Variants in CNTN4 observed in about 807,000 individuals in gnomAD.
CNTN4 encodes the protein contactin 4.
CNTN4 carries 77 observed loss-of-function variants against 122.5 expected under a neutral mutation model. The ratio of observed to expected loss-of-function variants is 0.63; its 90% confidence interval spans 0.52 to 0.76. The LOEUF is 0.76. CNTN4 is among the 30% of genes least tolerant of loss of function. The probability of loss-of-function intolerance (pLI) is 0.00; values close to 1 mark genes in which losing one functional copy is unlikely to be tolerated. For missense variants in CNTN4, 1,256 were observed against 1,259.1 expected (o/e 1.00, Z 0.04); for synonymous variants, 512 against 447.0 (o/e 1.15, Z -1.83).
At chr3:2,622,093 C>T (rs899787125) in intron 4 of CNTN4, among the ~76,000 whole-genome samples, 1 of 152,150 alleles carries the variant, frequency 6.6e-6, no homozygotes, top group African/African-American at 2.4e-5. Context: ...GAAAACACCC[C>T]CTTTCTCTCA....
chr3:2,580,381 G>C (rs748622006), intron 4 of CNTN4, among the ~76,000 whole-genome samples: 9 of 152,166 alleles, frequency 5.9e-5, no homozygotes, highest in Non-Finnish European at 1.0e-4. Context: ...CAAGTTGTAA[G>C]AGGATAGGGT....
In CNTN4 at chr3:2,736,145, T is replaced by C; in HGVS notation, c.56-70T>C. 2.1e-6 allele frequency: 3 copies of C among 1,427,522 alleles called. No individual in the cohort carries two copies. The South Asian group carries it at 3.4e-5, about 16-fold the overall frequency. 88.4% of individuals were successfully genotyped at this position (1,427,522 alleles called of 1,614,324 possible). On this transcript the variant is annotated intron_variant, in intron 4 of 24. Coordinates refer to ENST00000418658, the MANE Select transcript of CNTN4 (RefSeq NM_175607.3). ...TTTCTTTCTATTATTTTCCTTATGT[T>C]GTTGTTTCCTGTTGTTGTTCCTATT...
At chr3:2,864,840 A>T (rs17021506) in intron 7 of CNTN4, among the ~76,000 whole-genome samples, 1,600 of 150,426 alleles carry the variant, frequency 0.011, 31 homozygotes, top group African/African-American at 0.037. Context: ...AACTTCCATC[A>T]TGTGACTTTG....
chr3:2,368,920 A>G (rs2045522323), intron 3 of CNTN4, among the ~76,000 whole-genome samples: 1 of 152,102 alleles, frequency 6.6e-6, no homozygotes. Flanking sequence ...AAACATGTCC[A>G]TAAAAATTGT....
Position 2,738,311 on chromosome 3 carries a change from C to CA in CNTN4, c.182+1976dup, listed in dbSNP as rs530937442. Reference sequence around the variant, plus strand: ...CTGGCAGCTGACTTCTCAATAGCAACAAAAAATCAGGAGACAGAAGATAAA... The same window carrying CA: ...CTGGCAGCTGACTTCTCAATAGCAACAAAAAAATCAGGAGACAGAAGATAAA... On this transcript the variant is annotated intron_variant, in intron 5 of 24. Transcript: ENST00000418658. 7.2e-5 allele frequency among the ~76,000 whole-genome samples: 11 copies of CA among 152,146 alleles called. 2 individuals are homozygous for CA. Among genetic ancestry groups the CA allele is most frequent in the South Asian group, 4.2e-4 (2 of 4,816 alleles).
At chr3:2,806,326 T>A (rs545654371) in intron 6 of CNTN4, among the ~76,000 whole-genome samples, 10 of 152,324 alleles carry the variant, frequency 6.6e-5, no homozygotes, top group Admixed American at 5.9e-4. Context: ...ATTGTAAACG[T>A]CTTGAGATCA....
intron 3 of CNTN4, among the ~76,000 whole-genome samples, chr3:2,353,648 A>T (rs535745125): frequency 6.6e-6 from 1 of 152,138 alleles, no homozygotes; most frequent in East Asian, 1.9e-4. Flanking sequence ...TAAGAACTGT[A>T]ACACTCACCG....
chr3:2,367,920 A>G (rs1033472487), intron 3 of CNTN4, among the ~76,000 whole-genome samples: 4 of 151,322 alleles, frequency 2.6e-5, no homozygotes, highest in South Asian at 2.1e-4. Context: ...CGTAAGTACT[A>G]TTATTTTTCT....
chr3:2,901,961 T>G (rs1039383036), intron 11 of CNTN4, among the ~76,000 whole-genome samples: 1 of 152,122 alleles, frequency 6.6e-6, no homozygotes, highest in African/African-American at 2.4e-5. Flanking sequence ...GTGAGACCAA[T>G]GTAAGTTTCA....
chr3:2,135,826 G>A (rs1048881693), intron 2 of CNTN4, among the ~76,000 whole-genome samples: 3 of 152,206 alleles, frequency 2.0e-5, no homozygotes, highest in African/African-American at 2.4e-5. Flanking sequence ...GGTCTACAGC[G>A]AATTGGAGAG....
chr3:2,660,698 G>A lies in CNTN4; in HGVS notation c.56-75517G>A, dbSNP rs150021351. Among the ~76,000 whole-genome samples the A allele has an allele frequency of 6.6e-5, 10 of 152,346 alleles. No homozygotes were observed. In the South Asian group the frequency reaches 2.1e-3, roughly 32 times the overall value. On this transcript the variant is annotated intron_variant, in intron 4 of 24. Coordinates refer to ENST00000418658, the MANE Select transcript of CNTN4 (RefSeq NM_175607.3). ...CCTGCCTCTATTTGTCTCCACCAGA[G>A]GTGATAATCTAGACTTTGGTTACCT...
intron 3 of CNTN4, among the ~76,000 whole-genome samples, chr3:2,526,436 G>T (rs1018905716): frequency 3.3e-5 from 5 of 152,008 alleles, no homozygotes; most frequent in African/African-American, 1.2e-4. Flanking sequence ...CCTAGTATCT[G>T]TAATTGCTAA....
At chr3:2,850,508 A>T (rs2093531530) in intron 7 of CNTN4, among the ~76,000 whole-genome samples, 1 of 152,198 alleles carries the variant, frequency 6.6e-6, no homozygotes, top group African/African-American at 2.4e-5. Context: ...TTTACTCTTG[A>T]AGCCACTGAG....
intron 14 of CNTN4, 120 bp downstream of exon 14, chr3:2,988,592 A>G: frequency 9.8e-7 from 1 of 1,020,498 alleles, no homozygotes; most frequent in Non-Finnish European, 1.5e-6. Context: ...TTGCTAAATT[A>G]ATTCATCACG....
At chr3:2,473,992 C>A (rs891975968) in intron 3 of CNTN4, among the ~76,000 whole-genome samples, 2 of 150,248 alleles carry the variant, frequency 1.3e-5, no homozygotes, top group South Asian at 2.1e-4. Context: ...CCAGCCTGGG[C>A]GACAAAAGCA....
chr3:2,811,757 C>T (rs2150147691), intron 6 of CNTN4, among the ~76,000 whole-genome samples: 1 of 152,114 alleles, frequency 6.6e-6, no homozygotes, highest in South Asian at 2.1e-4. Flanking sequence ...CTCCGCCTCC[C>T]AGGTTCAAGC....
intron 7 of CNTN4, 85 bp downstream of exon 7, chr3:2,819,666 T>G (rs1251276975): frequency 7.9e-6 from 8 of 1,007,144 alleles, no homozygotes; most frequent in African/African-American, 4.7e-5. Flanking sequence ...ACCAGCTGAG[T>G]GCACAGTGTC....
intron 6 of CNTN4, among the ~76,000 whole-genome samples, chr3:2,769,034 C>T (rs1419857529): frequency 2.6e-5 from 4 of 152,184 alleles, no homozygotes; most frequent in South Asian, 2.1e-4. Context: ...CAAAGAAACA[C>T]ATCCTTACTA....
At chr3:2,663,070 C>A (rs2083978589) in intron 4 of CNTN4, among the ~76,000 whole-genome samples, 1 of 151,620 alleles carries the variant, frequency 6.6e-6, no homozygotes, top group Admixed American at 6.6e-5. Flanking sequence ...CCACTGCACT[C>A]CATCCTGGGC....
Sources: gnomAD v4.1 joint callset for allele counts (sites outside exome capture counted in the v4.1 genomes callset) on GRCh38, gnomAD v4.1.1 for gene constraint, MANE v1.5 for transcripts, NCBI Gene and HGNC (gene_info 2026-07-23, HGNC 2026-07-21) for gene names.